SUSD1: variants seen among roughly 807,000 people sequenced by gnomAD.
The protein encoded by SUSD1 is sushi domain containing 1, also known as sushi domain-containing protein 1.
Under a neutral mutation model 86.9 loss-of-function variants are expected in SUSD1, and 65 were observed. The observed-to-expected ratio is 0.75, with a 90% CI of 0.61 to 0.92. The LOEUF is 0.92. SUSD1 is among the 40% of genes least tolerant of loss of function. SUSD1 has a pLI of 0.00. For missense variants in SUSD1, 850 were observed against 929.7 expected (o/e 0.91, Z 1.11); for synonymous variants, 346 against 350.0 (o/e 0.99, Z 0.13).
At chr9:112,046,590 T>C (rs1827965405) in intron 15 of SUSD1, among the ~76,000 whole-genome samples, 4 of 152,200 alleles carry the variant, frequency 2.6e-5, no homozygotes, top group Admixed American at 2.6e-4. Context: ...CTATTTCTAC[T>C]CTCAGACTTT....
chr9:112,058,763 C>T, intron 13 of SUSD1, 77 bp from the exon 14 acceptor site: 1 of 1,541,198 alleles, frequency 6.5e-7, no homozygotes, highest in Non-Finnish European at 8.8e-7. Context: ...TATTGAGCAC[C>T]TGCTATGAGA....
chr9:112,050,689 G>A (rs1374164432), intron 15 of SUSD1, among the ~76,000 whole-genome samples: 2 of 152,150 alleles, frequency 1.3e-5, no homozygotes, highest in Non-Finnish European at 2.9e-5. Context: ...CAAACCACAC[G>A]GAAAAGGTCC....
chr9:112,136,404 T>C (rs1832265629), intron 5 of SUSD1, among the ~76,000 whole-genome samples: 1 of 152,060 alleles, frequency 6.6e-6, no homozygotes, highest in Admixed American at 6.5e-5. Flanking sequence ...CAGACAATGT[T>C]ATATGTTTTC....
At chr9:112,137,564 A>G (rs979235823) in intron 5 of SUSD1, among the ~76,000 whole-genome samples, 7 of 152,224 alleles carry the variant, frequency 4.6e-5, no homozygotes, top group African/African-American at 1.4e-4. Context: ...TTGAAAGATC[A>G]TCTTAGAACT....
intron 1 of SUSD1, among the ~76,000 whole-genome samples, chr9:112,173,129 A>G (rs754620755): frequency 1.1e-4 from 16 of 152,160 alleles, no homozygotes; most frequent in Non-Finnish European, 1.8e-4. Context: ...ATAGACGCCA[A>G]GCATCTGCAA....
At chr9:112,092,997 C>T (rs1169445627) in intron 10 of SUSD1, among the ~76,000 whole-genome samples, 2 of 152,076 alleles carry the variant, frequency 1.3e-5, no homozygotes, top group African/African-American at 4.8e-5. Flanking sequence ...ACAAATTTTT[C>T]CTTCAAAACA....
At chr9:112,089,343 G>C (rs553457445) in intron 10 of SUSD1, among the ~76,000 whole-genome samples, 1 of 152,102 alleles carries the variant, frequency 6.6e-6, no homozygotes, top group African/African-American at 2.4e-5. Flanking sequence ...ATAGGATGGA[G>C]TTGAAACTAT....
intron 12 of SUSD1, among the ~76,000 whole-genome samples, chr9:112,075,904 G>A (rs1283814643): frequency 6.6e-6 from 1 of 152,204 alleles, no homozygotes; most frequent in Non-Finnish European, 1.5e-5. Context: ...GTCCCAGGAA[G>A]TGTGAACTGC....
At chr9:112,166,798 C>T (rs1231735104) in intron 1 of SUSD1, among the ~76,000 whole-genome samples, 1 of 152,046 alleles carries the variant, frequency 6.6e-6, no homozygotes, top group Non-Finnish European at 1.5e-5. Flanking sequence ...ATGTAGTAAC[C>T]GAGGGAATGA....
chr9:112,063,064 T>A (rs2131501465), intron 12 of SUSD1, 31 bp from the exon 13 acceptor site: 1 of 1,404,466 alleles, frequency 7.1e-7, no homozygotes, highest in Non-Finnish European at 1.0e-6. Context: ...AGAAAAGGGG[T>A]ATGATTGGAA....
intron 2 of SUSD1, among the ~76,000 whole-genome samples, chr9:112,154,872 T>C (rs1833224649): frequency 6.6e-6 from 1 of 152,176 alleles, no homozygotes; most frequent in African/African-American, 2.4e-5. Context: ...AGCATCGGGA[T>C]GCACAGTGCC....
intron 2 of SUSD1, among the ~76,000 whole-genome samples, chr9:112,153,356 T>TCA (rs1401132349): frequency 6.6e-6 from 1 of 152,110 alleles, no homozygotes; most frequent in Admixed American, 6.6e-5. Context: ...GATCATGTTA[T>TCA]CACTGTCTTC....
At chr9:112,166,019 G>A (rs940528854) in intron 1 of SUSD1, among the ~76,000 whole-genome samples, 2 of 144,758 alleles carry the variant, frequency 1.4e-5, no homozygotes, top group Admixed American at 1.4e-4. Context: ...AAGTATAACC[G>A]CAAAGACAGT....
chr9:112,104,982 G>A (rs531060658), intron 8 of SUSD1: 2 of 152,086 alleles, frequency 1.3e-5, no homozygotes, highest in African/African-American at 4.8e-5. Flanking sequence ...TGTTTCATAC[G>A]GTTCAATAAA....
intron 10 of SUSD1, among the ~76,000 whole-genome samples, chr9:112,097,563 A>G (rs889492977): frequency 3.5e-4 from 53 of 151,694 alleles, no homozygotes; most frequent in African/African-American, 1.2e-3. Flanking sequence ...ATGCCCAGCT[A>G]ATTTTTTGTA....
chr9:112,130,733 C>T (rs1430727202), intron 5 of SUSD1, among the ~76,000 whole-genome samples: 1 of 151,280 alleles, frequency 6.6e-6, no homozygotes, highest in African/African-American at 2.4e-5. Flanking sequence ...ACAGAAAATC[C>T]TACAAAGTAG....
At chr9:112,149,133 A>T in intron 3 of SUSD1, 111 bp downstream of exon 3, 1 of 1,427,618 alleles carries the variant, frequency 7.0e-7, no homozygotes, top group South Asian at 1.3e-5. Flanking sequence ...CCACAATACC[A>T]TTATGCCATC....
At chr9:112,041,627 C>G in intron 16 of SUSD1, 135 bp from the exon 17 acceptor site, 1 of 720,502 alleles carries the variant, frequency 1.4e-6, no homozygotes, top group Non-Finnish European at 2.6e-6. Context: ...CTCAGCCACC[C>G]CTCTGTGTGT....
intron 1 of SUSD1, among the ~76,000 whole-genome samples, chr9:112,169,762 C>A (rs1833963636): frequency 1.3e-5 from 2 of 151,652 alleles, no homozygotes; most frequent in Admixed American, 1.3e-4. Flanking sequence ...GCAACCTCCA[C>A]CTCCCGGGTT....
Sources: gnomAD v4.1 joint callset for allele counts (sites outside exome capture counted in the v4.1 genomes callset) on GRCh38, gnomAD v4.1.1 for gene constraint, MANE v1.5 for transcripts, NCBI Gene and HGNC (gene_info 2026-07-23, HGNC 2026-07-21) for gene names.